SPPL3: variants seen among roughly 807,000 people sequenced by gnomAD.
SPPL3 encodes signal peptide peptidase like 3.
A neutral mutation model predicts 42.4 loss-of-function variants in SPPL3; 5 were observed. The ratio of observed to expected loss-of-function variants is 0.12; its 90% CI spans 0.06 to 0.25. The LOEUF (loss-of-function observed/expected upper bound fraction) is 0.25. Among genes scored for constraint, SPPL3 ranks in the 10% least tolerant of loss-of-function variants. The pLI is 1.00. For synonymous variants in SPPL3, 195 were observed against 181.8 expected (o/e 1.07, Z -0.58); for missense variants, 235 against 489.0 (o/e 0.48, Z 4.90).
intron 1 of SPPL3, among the ~76,000 whole-genome samples, chr12:120,897,079 T>C (rs1873830370): frequency 6.6e-6 from 1 of 152,192 alleles, no homozygotes; most frequent in East Asian, 1.9e-4. Flanking sequence ...ATATGAATGA[T>C]GAGAACTAAT....
chr12:120,816,552 C>T lies in SPPL3; in HGVS notation c.24-5666G>A, dbSNP rs576290544. 2.6e-5 allele frequency among the ~76,000 whole-genome samples: 4 copies of T among 152,224 alleles called. No individual in the cohort carries two copies. The East Asian group carries it at 7.7e-4, about 29-fold the overall frequency. On this transcript the variant is annotated intron_variant, in intron 1 of 10. Transcript: ENST00000353487. ...TTTGGAGACAGGGTTTCACCTGTTG[C>T]TTAAGCTGGAGTGCAGTGGCACGGT...
At chr12:120,899,398 C>T (rs1483740617) in intron 1 of SPPL3, among the ~76,000 whole-genome samples, 1 of 152,076 alleles carries the variant, frequency 6.6e-6, no homozygotes, top group African/African-American at 2.4e-5. Flanking sequence ...AAAGGATGAA[C>T]CATCCTGAAA....
At chr12:120,846,273 A>G (rs1226646857) in intron 1 of SPPL3, among the ~76,000 whole-genome samples, 1 of 152,248 alleles carries the variant, frequency 6.6e-6, no homozygotes, top group Non-Finnish European at 1.5e-5. Context: ...GGGACATTCC[A>G]AGAGTAACAA....
chr12:120,772,130 T>A (rs1483483118), intron 6 of SPPL3, among the ~76,000 whole-genome samples: 1 of 152,214 alleles, frequency 6.6e-6, no homozygotes, highest in African/African-American at 2.4e-5. Flanking sequence ...CAAGTGATTC[T>A]CCTGTCTCAG....
chr12:120,864,913 A>C (rs1206515075), intron 1 of SPPL3, among the ~76,000 whole-genome samples: 1 of 152,230 alleles, frequency 6.6e-6, no homozygotes, highest in African/African-American at 2.4e-5. Flanking sequence ...TAACAAAACA[A>C]AACTGTAGAG....
intron 2 of SPPL3, among the ~76,000 whole-genome samples, chr12:120,802,507 T>C (rs558843798): frequency 6.7e-6 from 1 of 150,128 alleles, no homozygotes; most frequent in South Asian, 2.1e-4. Flanking sequence ...CAATCTCGGC[T>C]CACTGCAACC....
intron 1 of SPPL3, among the ~76,000 whole-genome samples, chr12:120,877,418 T>G (rs987013429): frequency 3.3e-5 from 5 of 152,134 alleles, no homozygotes; most frequent in African/African-American, 1.2e-4. Flanking sequence ...CACAGACCAG[T>G]GTGTCTCATG....
intron 6 of SPPL3, 111 bp downstream of exon 6, chr12:120,782,544 A>C: frequency 1.2e-6 from 1 of 822,224 alleles, no homozygotes; most frequent in Non-Finnish European, 1.9e-6. Context: ...TGGGTGTGAA[A>C]ATGCTCTAAA....
At chr12:120,839,488 C>T (rs563715206) in intron 1 of SPPL3, among the ~76,000 whole-genome samples, 1 of 151,792 alleles carries the variant, frequency 6.6e-6, no homozygotes, top group Non-Finnish European at 1.5e-5. Flanking sequence ...TGCACATGTA[C>T]CCTAAAACTT....
At chr12:120,765,390 C>T (rs998499905) in intron 10 of SPPL3, among the ~76,000 whole-genome samples, 10 of 152,020 alleles carry the variant, frequency 6.6e-5, no homozygotes, top group South Asian at 4.2e-4. Context: ...TGGGTTCAAG[C>T]GATTCTCTTG....
At chr12:120,898,314 T>TAAAA (rs869283065) in intron 1 of SPPL3, among the ~76,000 whole-genome samples, 5 of 64,292 alleles carry the variant, frequency 7.8e-5, no homozygotes, top group Admixed American at 2.7e-4. Flanking sequence ...TTTTTTTTTT[T>TAAAA]AAAAAAAAAA....
At chr12:120,867,303 G>A (rs577861817) in intron 1 of SPPL3, among the ~76,000 whole-genome samples, 9 of 152,256 alleles carry the variant, frequency 5.9e-5, no homozygotes, top group South Asian at 2.1e-4. Flanking sequence ...ATATATGCAG[G>A]CAATGACATC....
At chr12:120,792,795 A>G (rs995159173) in intron 2 of SPPL3, among the ~76,000 whole-genome samples, 2 of 152,060 alleles carry the variant, frequency 1.3e-5, no homozygotes, top group South Asian at 2.1e-4. Flanking sequence ...CATCAGCCAC[A>G]TCATGTGATC....
At chr12:120,818,226 T>C (rs989975130) in intron 1 of SPPL3, among the ~76,000 whole-genome samples, 7 of 152,146 alleles carry the variant, frequency 4.6e-5, no homozygotes, top group African/African-American at 1.7e-4. Flanking sequence ...ACTAAATACA[T>C]GCATTTGAGA....
At chr12:120,813,366 G>A (rs1208256557) in intron 1 of SPPL3, among the ~76,000 whole-genome samples, 1 of 146,876 alleles carries the variant, frequency 6.8e-6, no homozygotes, top group Non-Finnish European at 1.5e-5. Flanking sequence ...TGCCCAGGCT[G>A]GAGTGCAATG....
intron 2 of SPPL3, among the ~76,000 whole-genome samples, chr12:120,792,831 G>T (rs1026623204): frequency 8.5e-5 from 13 of 152,210 alleles, no homozygotes; most frequent in Middle Eastern, 3.4e-3. Flanking sequence ...GTAGGACAGA[G>T]GAACTGACTT....
chr12:120,903,792 C>G (rs1250043870), intron 1 of SPPL3, 53 bp downstream of exon 1: 7 of 1,337,972 alleles, frequency 5.2e-6, no homozygotes, highest in Non-Finnish European at 6.8e-6. Context: ...GCCGCGCCGG[C>G]GCCCCGACCC....
intron 6 of SPPL3, among the ~76,000 whole-genome samples, chr12:120,773,655 T>C (rs1429724931): frequency 6.6e-6 from 1 of 152,222 alleles, no homozygotes; most frequent in Non-Finnish European, 1.5e-5. Flanking sequence ...AGATGGAGTC[T>C]TGCTCTGTCG....
intron 1 of SPPL3, among the ~76,000 whole-genome samples, chr12:120,823,874 CA>C (rs747751668): frequency 2.4e-4 from 31 of 130,438 alleles, no homozygotes; most frequent in Admixed American, 9.2e-4. Flanking sequence ...ATCACAAAGA[CA>C]TTTTTTTTTT....
Sources: gnomAD v4.1 joint callset for allele counts (sites outside exome capture counted in the v4.1 genomes callset) on GRCh38, gnomAD v4.1.1 for gene constraint, MANE v1.5 for transcripts, NCBI Gene and HGNC (gene_info 2026-07-23, HGNC 2026-07-21) for gene names.